NXPE4: variants seen among roughly 807,000 people sequenced by gnomAD.
NXPE4 encodes the protein neurexophilin and PC-esterase domain family member 4, also known as NXPE family member 4.
In NXPE4, 42 loss-of-function variants were observed where a neutral mutation model predicts 33.3. The observed-to-expected ratio is 1.26, with a 90% CI of 0.98 to 1.63. The LOEUF is 1.63. Among genes scored for constraint, NXPE4 ranks in the 40% most tolerant of loss-of-function variants. NXPE4 has a pLI of 0.00. For synonymous variants in NXPE4, 253 were observed against 234.9 expected (o/e 1.08, Z -0.71); for missense variants, 709 against 647.6 (o/e 1.09, Z -1.03).
the NXPE4 span, among the ~76,000 whole-genome samples, chr11:114,601,875 T>A: frequency 4.4e-3 from 17 of 3,828 alleles, no homozygotes; most frequent in African/African-American, 5.4e-3. Flanking sequence ...TTATATATAT[T>A]ATATATAATT....
chr11:114,677,830 A>G, the NXPE4 span, among the ~76,000 whole-genome samples: 1 of 152,120 alleles, frequency 6.6e-6, no homozygotes, highest in African/African-American at 2.4e-5. Flanking sequence ...AGAGCAATGC[A>G]TACTGAGTGT....
At chr11:114,633,148 A>G in the NXPE4 span, among the ~76,000 whole-genome samples, 1 of 125,156 alleles carries the variant, frequency 8.0e-6, no homozygotes, top group Non-Finnish European at 1.6e-5. Context: ...ATTATTTTAT[A>G]TATTTGGTAT....
the NXPE4 span, among the ~76,000 whole-genome samples, chr11:114,625,769 T>C: frequency 1.1e-4 from 17 of 152,110 alleles, no homozygotes; most frequent in Non-Finnish European, 2.1e-4. Flanking sequence ...GGTACCAGGT[T>C]CATCTCATTA....
At chr11:114,677,908 T>C in the NXPE4 span, among the ~76,000 whole-genome samples, 2 of 152,052 alleles carry the variant, frequency 1.3e-5, no homozygotes, top group African/African-American at 4.8e-5. Context: ...TGAAAATCCT[T>C]AGTGTCATGA....
chr11:114,628,379 C>A, the NXPE4 span, among the ~76,000 whole-genome samples: 2 of 152,190 alleles, frequency 1.3e-5, no homozygotes, highest in African/African-American at 4.8e-5. Context: ...CTCAAAACCA[C>A]TGAACTACAT....
rs1190502966 is a variant in NXPE4, at chr11:114,570,842, G to A, written c.*96C>T. 3 of 785,158 alleles carry A rather than the reference G, an allele frequency of 3.8e-6. No homozygotes were observed. The highest frequency in any genetic ancestry group is 5.4e-5 in the East Asian group (2 of 37,106). The allele number at this position is 785,158 out of a possible 1,614,324, so 48.6% of individuals were successfully genotyped here. A position where few individuals can be genotyped will look rare whatever the true frequency, so the allele number is the denominator to read the frequency against. ...TAATGTAGATTCTCTGCTCTTGCTA[G>A]TTGGGAATTCAGAGCCAAACACAGC... is the stretch of plus-strand genomic sequence containing the variant. On this transcript the variant is annotated 3_prime_UTR_variant, in exon 6 of 6. Transcript: ENST00000375478.
chr11:114,633,818 T>TATTCC, the NXPE4 span, among the ~76,000 whole-genome samples: 5 of 152,078 alleles, frequency 3.3e-5, no homozygotes, highest in African/African-American at 1.2e-4. Context: ...GGCTGCATAG[T>TATTCC]ATTCCATGGT....
the NXPE4 span, among the ~76,000 whole-genome samples, chr11:114,627,760 G>C: frequency 1.4e-4 from 21 of 152,112 alleles, no homozygotes; most frequent in Admixed American, 7.9e-4. Context: ...TCAGTGTGCT[G>C]TATTCAGGAA....
At chr11:114,590,408 C>T (rs1412398263) in intron 2 of NXPE4, among the ~76,000 whole-genome samples, 2 of 152,144 alleles carry the variant, frequency 1.3e-5, no homozygotes, top group African/African-American at 4.8e-5. Flanking sequence ...AATCCTCAAG[C>T]AACTGACAAG....
chr11:114,612,474 G>A, the NXPE4 span, among the ~76,000 whole-genome samples: 1 of 150,562 alleles, frequency 6.6e-6, no homozygotes, highest in Non-Finnish European at 1.5e-5. Flanking sequence ...GTTGCCTCAT[G>A]GGAAACCACT....
chr11:114,649,916 G>A, the NXPE4 span, among the ~76,000 whole-genome samples: 1 of 152,162 alleles, frequency 6.6e-6, no homozygotes, highest in Non-Finnish European at 1.5e-5. Flanking sequence ...AATGCGTGCA[G>A]TTTGTAAGAA....
At chr11:114,636,768 T>C in the NXPE4 span, among the ~76,000 whole-genome samples, 139 of 152,106 alleles carry the variant, frequency 9.1e-4, 2 homozygotes, top group Non-Finnish European at 1.8e-3. Flanking sequence ...TGTAGTTGAG[T>C]AGTTTTGAGT....
the NXPE4 span, among the ~76,000 whole-genome samples, chr11:114,606,906 C>T: frequency 3.3e-5 from 5 of 151,366 alleles, no homozygotes; most frequent in East Asian, 2.0e-4. Context: ...CACTGTTACC[C>T]GGTGGATAAT....
chr11:114,667,484 C>T, the NXPE4 span, among the ~76,000 whole-genome samples: 2 of 151,986 alleles, frequency 1.3e-5, no homozygotes, highest in East Asian at 3.9e-4. Flanking sequence ...GAAGTGGAAC[C>T]CAATTCCCCA....
At chr11:114,622,859 C>A in the NXPE4 span, among the ~76,000 whole-genome samples, 1 of 151,734 alleles carries the variant, frequency 6.6e-6, no homozygotes, top group Non-Finnish European at 1.5e-5. Flanking sequence ...TCATGGGATA[C>A]CACTGTTAAC....
the NXPE4 span, among the ~76,000 whole-genome samples, chr11:114,641,076 T>G: frequency 6.6e-6 from 1 of 152,092 alleles, no homozygotes; most frequent in Non-Finnish European, 1.5e-5. Context: ...TTGAAGTTTC[T>G]TGGTCTGAAA....
the NXPE4 span, among the ~76,000 whole-genome samples, chr11:114,632,072 G>A: frequency 7.6e-6 from 1 of 130,986 alleles, no homozygotes; most frequent in Admixed American, 8.1e-5. Flanking sequence ...GAATTGTATA[G>A]TATAATATTA....
chr11:114,642,663 T>C, the NXPE4 span, among the ~76,000 whole-genome samples: 1 of 152,122 alleles, frequency 6.6e-6, no homozygotes, highest in African/African-American at 2.4e-5. Flanking sequence ...CAGTCTATTA[T>C]TGATGGACAT....
chr11:114,663,579 T>TATC, the NXPE4 span, among the ~76,000 whole-genome samples: 1 of 147,974 alleles, frequency 6.8e-6, no homozygotes, highest in Non-Finnish European at 1.5e-5. Context: ...CTATCATCTC[T>TATC]ATCTATCATC....
Sources: allele counts gnomAD v4.1 joint callset (sites outside exome capture counted in the v4.1 genomes callset), GRCh38; gene constraint gnomAD v4.1.1; transcripts MANE v1.5; gene names NCBI Gene and HGNC (gene_info 2026-07-23, HGNC 2026-07-21).